FRMD4B: variants seen among roughly 807,000 people sequenced by gnomAD.
FRMD4B encodes FERM domain-containing protein 4B.
Under a neutral mutation model 141.5 loss-of-function variants are expected in FRMD4B, and 74 were observed. That is an observed-to-expected ratio of 0.52 (90% CI 0.43 to 0.63). The LOEUF (loss-of-function observed/expected upper bound fraction) is 0.63. Among genes scored for constraint, FRMD4B ranks in the 30% least tolerant of loss-of-function variants. The pLI is 0.00. For synonymous variants in FRMD4B, 506 were observed against 467.9 expected (o/e 1.08, Z -1.05); for missense variants, 1,366 against 1,253.4 (o/e 1.09, Z -1.36).
chr3:69,493,758 C>A (rs745985228), intron 1 of FRMD4B, among the ~76,000 whole-genome samples: 3 of 152,074 alleles, frequency 2.0e-5, no homozygotes, highest in Non-Finnish European at 2.9e-5. Context: ...ACCTTGCTTA[C>A]GGTTATCATC....
At chr3:69,189,628 G>A (rs1204570006) in intron 18 of FRMD4B, among the ~76,000 whole-genome samples, 1 of 152,170 alleles carries the variant, frequency 6.6e-6, no homozygotes. Context: ...GAGCCTTAAA[G>A]TCCTTACTGA....
chr3:69,357,190 T>C (rs2314988), intron 1 of FRMD4B, among the ~76,000 whole-genome samples: 151,433 of 152,302 alleles, frequency 0.99, 75,291 homozygotes, highest in Middle Eastern at 1. Flanking sequence ...GGGTATCAGA[T>C]AGGAGTTTTG....
At chr3:69,420,413 C>T (rs890958425) in intron 2 of FRMD4B, among the ~76,000 whole-genome samples, 2 of 152,038 alleles carry the variant, frequency 1.3e-5, no homozygotes, top group Non-Finnish European at 2.9e-5. Context: ...ACCAATAGCC[C>T]TACAAAGTAA....
chr3:69,316,150 G>A (rs974222593), intron 1 of FRMD4B, among the ~76,000 whole-genome samples: 5 of 152,212 alleles, frequency 3.3e-5, no homozygotes, highest in Admixed American at 6.5e-5. Flanking sequence ...CAGCTGGTTA[G>A]ATCATGGTAT....
intron 5 of FRMD4B, 57 bp downstream of exon 5, chr3:69,287,695 C>T: frequency 1.2e-6 from 1 of 848,888 alleles, no homozygotes; most frequent in South Asian, 1.5e-5. Context: ...ACCATTTCTT[C>T]CTGTCATCCC....
chr3:69,195,031 C>T lies in FRMD4B; in HGVS notation c.1479G>A (p.Pro493=), dbSNP rs539908377. Residue 493 remains proline (P), a synonymous_variant, in exon 16 of 23, where the codon CCG becomes CCA. Coordinates refer to ENST00000398540, the MANE Select transcript of FRMD4B (RefSeq NM_015123.3). ...GAGGCGTTGTTCATACTTCTTCACT[C>T]GGCAGCAAGTTGTCATCTAATTTGA... The part of the protein sequence containing the change: ...TAFKLDDNLL[P]SEEDPALQEL... 19 of 1,613,472 alleles carry T rather than the reference C, an allele frequency of 1.2e-5. No homozygotes were observed. The highest frequency in any genetic ancestry group is 1.1e-4 in the East Asian group (5 of 44,886).
chr3:69,199,918 T>C (rs1278615001), intron 11 of FRMD4B, among the ~76,000 whole-genome samples: 1 of 152,230 alleles, frequency 6.6e-6, no homozygotes. Flanking sequence ...CCTTGGTTTG[T>C]CCTGTCAACT....
chr3:69,221,780 A>C (rs987085499), intron 9 of FRMD4B, 78 bp downstream of exon 9: 1 of 776,728 alleles, frequency 1.3e-6, no homozygotes, highest in African/African-American at 1.7e-5. Flanking sequence ...CAAAAACTAC[A>C]CAACAGAAAT....
intron 1 of FRMD4B, among the ~76,000 whole-genome samples, chr3:69,440,805 G>A (rs1705330997): frequency 1.3e-5 from 2 of 151,588 alleles, no homozygotes; most frequent in Admixed American, 6.6e-5. Flanking sequence ...AAGAGACTCT[G>A]TCAAAAAAAA....
rs1427937856 is a variant in FRMD4B, at chr3:69,169,023, T to G, written c.*2838A>C. ...CAAACAAAAAAAAATGTTGTAAAAC[T>G]GTACTTGTAATATGCTGGACTTTAA... On this transcript the variant is annotated 3_prime_UTR_variant, in exon 23 of 23. Coordinates refer to ENST00000398540, the MANE Select transcript of FRMD4B (RefSeq NM_015123.3). 4.6e-5 allele frequency among the ~76,000 whole-genome samples: 7 copies of G among 152,150 alleles called. No homozygotes were observed. The highest frequency in any genetic ancestry group is 1.3e-4 in the Admixed American group (2 of 15,274).
chr3:69,433,421 A>G (rs1162247388), intron 1 of FRMD4B, among the ~76,000 whole-genome samples: 1 of 152,204 alleles, frequency 6.6e-6, no homozygotes, highest in African/African-American at 2.4e-5. Context: ...AAGTGTAAAA[A>G]CAGGACAAGG....
rs376569409 is a variant in FRMD4B at position 69,176,601 on chromosome 3, C to T, written c.2907G>A (p.Ser969=). The T allele has an allele frequency of 2.7e-5, 44 of 1,606,602 alleles. No homozygotes were observed. Among genetic ancestry groups the T allele is most frequent in the African/African-American group, 2.3e-4 (17 of 74,756 alleles). Residue 969 remains serine (S), a synonymous_variant, in exon 22 of 23, where the codon TCG becomes TCA. Transcript: ENST00000398540. The part of the protein sequence containing the change: ...NWRTQLTIGL[S]DYETPAHSSY... ...AAGAATGTGCTGGAGTCTCGTAATC[C>T]GACAGCCCTATGGTTAACTGGGTCC...
intron 2 of FRMD4B, among the ~76,000 whole-genome samples, chr3:69,402,770 A>T (rs1453751909): frequency 6.6e-6 from 1 of 152,232 alleles, no homozygotes; most frequent in Non-Finnish European, 1.5e-5. Flanking sequence ...AATTATTGGC[A>T]TCAGGAGACA....
At chr3:69,291,245 T>C (rs1315119927) in intron 4 of FRMD4B, among the ~76,000 whole-genome samples, 1 of 152,192 alleles carries the variant, frequency 6.6e-6, no homozygotes, top group Non-Finnish European at 1.5e-5. Context: ...ATTTTTTTCC[T>C]TCACTTTTAA....
intron 1 of FRMD4B, among the ~76,000 whole-genome samples, chr3:69,329,681 C>A (rs1702303455): frequency 1.3e-5 from 2 of 151,440 alleles, no homozygotes; most frequent in South Asian, 4.2e-4. Flanking sequence ...GCGCCCGCCA[C>A]CAGGCCTGGC....
At chr3:69,280,817 C>T (rs1206435169) in intron 5 of FRMD4B, among the ~76,000 whole-genome samples, 1 of 151,946 alleles carries the variant, frequency 6.6e-6, no homozygotes, top group Admixed American at 6.6e-5. Context: ...ATGGAGTTCA[C>T]TATGTTGCCC....
intron 19 of FRMD4B, among the ~76,000 whole-genome samples, chr3:69,185,714 AG>A (rs1307358326): frequency 2.6e-5 from 4 of 152,192 alleles, no homozygotes; most frequent in Admixed American, 6.5e-5. Context: ...TAAATTACAT[AG>A]AAAAAACATA....
intron 5 of FRMD4B, among the ~76,000 whole-genome samples, chr3:69,258,009 T>C (rs2093503334): frequency 6.6e-6 from 1 of 152,156 alleles, no homozygotes; most frequent in Admixed American, 6.6e-5. Context: ...TTTGTATTTT[T>C]AGTAGAGACA....
chr3:69,493,732 G>C (rs1313121829), intron 1 of FRMD4B, among the ~76,000 whole-genome samples: 1 of 152,042 alleles, frequency 6.6e-6, no homozygotes, highest in Non-Finnish European at 1.5e-5. Context: ...GCTTCACGAA[G>C]GCAGGGGCTG....
Sources: gnomAD v4.1 joint callset for allele counts (sites outside exome capture counted in the v4.1 genomes callset) on GRCh38, gnomAD v4.1.1 for gene constraint, MANE v1.5 for transcripts, NCBI Gene and HGNC (gene_info 2026-07-23, HGNC 2026-07-21) for gene names.